Variants in VEPH1 observed in about 807,000 individuals in gnomAD.
The protein encoded by VEPH1 is ventricular zone expressed PH domain containing 1, also known as ventricular zone-expressed PH domain-containing protein homolog 1.
A neutral mutation model predicts 85.2 loss-of-function variants in VEPH1; 80 were observed. The ratio of observed to expected loss-of-function variants is 0.94; its 90% confidence interval spans 0.78 to 1.13. The LOEUF is 1.13. VEPH1 is among the 50% of genes most tolerant of loss of function. The probability of loss-of-function intolerance (pLI) is 0.00; values close to 1 mark genes in which losing one functional copy is unlikely to be tolerated. For missense variants in VEPH1, 955 were observed against 980.5 expected, an observed-to-expected ratio of 0.97 and a Z score of 0.35; for synonymous variants, 297 against 348.0, an observed-to-expected ratio of 0.85 and a Z score of 1.63.
chr3:157,492,441 C>T (rs1424842613), intron 2 of VEPH1, among the ~76,000 whole-genome samples: 1 of 152,130 alleles, frequency 6.6e-6, no homozygotes, highest in Non-Finnish European at 1.5e-5. Flanking sequence ...CCAGATCTGA[C>T]AGTTGATGGC....
At chr3:157,481,163 ATTGT>A (rs1738001339) in intron 2 of VEPH1, among the ~76,000 whole-genome samples, 1 of 151,840 alleles carries the variant, frequency 6.6e-6, no homozygotes, top group Admixed American at 6.6e-5. Context: ...TGCATGTCGA[ATTGT>A]TTAAGTTATT....
intron 1 of VEPH1, among the ~76,000 whole-genome samples, chr3:157,500,419 G>T (rs996032703): frequency 6.6e-6 from 1 of 152,144 alleles, no homozygotes; most frequent in African/African-American, 2.4e-5. Flanking sequence ...CAAAGGGTGT[G>T]GTCAGGGTGG....
intron 7 of VEPH1, among the ~76,000 whole-genome samples, chr3:157,372,536 G>T (rs1449529843): frequency 6.6e-6 from 1 of 152,074 alleles, no homozygotes; most frequent in East Asian, 1.9e-4. Context: ...TCTCAACCAT[G>T]GCCACACTGG....
intron 6 of VEPH1, among the ~76,000 whole-genome samples, chr3:157,386,965 G>A (rs1729370022): frequency 6.6e-6 from 1 of 152,224 alleles, no homozygotes; most frequent in African/African-American, 2.4e-5. Context: ...ACCATGCTGA[G>A]TATTGATGAA....
chr3:157,463,330 C>A (rs757139523), intron 3 of VEPH1, among the ~76,000 whole-genome samples: 1 of 152,144 alleles, frequency 6.6e-6, no homozygotes. Context: ...TTAAGTCAGT[C>A]GTGTTGAAAG....
chr3:157,310,587 A>G (rs1423921677), intron 11 of VEPH1, among the ~76,000 whole-genome samples: 2 of 152,224 alleles, frequency 1.3e-5, no homozygotes. Context: ...CCAAAATTTC[A>G]GTTTCTAACA....
intron 1 of VEPH1, among the ~76,000 whole-genome samples, chr3:157,500,285 C>T (rs1560116440): frequency 6.6e-6 from 1 of 152,182 alleles, no homozygotes; most frequent in Non-Finnish European, 1.5e-5. Context: ...TTCTTCTCGA[C>T]CCCTAAGTCG....
At chr3:157,327,137 T>G (rs1192140837) in intron 9 of VEPH1, among the ~76,000 whole-genome samples, 1 of 151,966 alleles carries the variant, frequency 6.6e-6, no homozygotes, top group African/African-American at 2.4e-5. Context: ...CCGGCCCATG[T>G]GTAGAGTGAA....
At chr3:157,447,317 G>A (rs534203468) in intron 4 of VEPH1, among the ~76,000 whole-genome samples, 10 of 152,202 alleles carry the variant, frequency 6.6e-5, no homozygotes, top group African/African-American at 1.9e-4. Context: ...GTTTTAAGAC[G>A]TCTCTATTCC....
chr3:157,340,113 G>A, intron 9 of VEPH1, among the ~76,000 whole-genome samples: 1 of 152,224 alleles, frequency 6.6e-6, no homozygotes, highest in Non-Finnish European at 1.5e-5. Flanking sequence ...GAAGACGGGT[G>A]ATTTCTGCAT....
At chr3:157,348,183 A>G (rs1201202424) in intron 9 of VEPH1, among the ~76,000 whole-genome samples, 1 of 151,994 alleles carries the variant, frequency 6.6e-6, no homozygotes, top group Non-Finnish European at 1.5e-5. Context: ...TGACTAAACC[A>G]CTGTGTGCCT....
At chr3:157,377,252 T>G (rs574015632) in intron 7 of VEPH1, among the ~76,000 whole-genome samples, 3 of 151,946 alleles carry the variant, frequency 2.0e-5, no homozygotes, top group Non-Finnish European at 4.4e-5. Context: ...GTGGTGACCT[T>G]TTCATCTCTT....
At chr3:157,450,970 T>C (rs1046369277) in intron 4 of VEPH1, among the ~76,000 whole-genome samples, 13 of 152,200 alleles carry the variant, frequency 8.5e-5, no homozygotes, top group African/African-American at 3.1e-4. Flanking sequence ...GTCATTTTGC[T>C]AAAATTTTTA....
At chr3:157,438,193 A>G (rs1410329674) in intron 4 of VEPH1, among the ~76,000 whole-genome samples, 1 of 151,890 alleles carries the variant, frequency 6.6e-6, no homozygotes, top group Non-Finnish European at 1.5e-5. Flanking sequence ...GGTAACCATC[A>G]CAGTCTTGAA....
At chr3:157,490,310 C>T (rs1289506870) in intron 2 of VEPH1, among the ~76,000 whole-genome samples, 1 of 151,760 alleles carries the variant, frequency 6.6e-6, no homozygotes, top group Non-Finnish European at 1.5e-5. Flanking sequence ...AAGAGATAAA[C>T]TGTGTATCAG....
At chr3:157,326,114 C>A (rs908157227) in intron 9 of VEPH1, among the ~76,000 whole-genome samples, 1 of 152,090 alleles carries the variant, frequency 6.6e-6, no homozygotes, top group African/African-American at 2.4e-5. Context: ...GGAGTTCATT[C>A]ATGATTTGGC....
At chr3:157,381,435 G>A (rs1728759703) in intron 6 of VEPH1, 59 bp from the exon 7 acceptor site, 4 of 1,542,394 alleles carry the variant, frequency 2.6e-6, no homozygotes. Flanking sequence ...TCCAGGCATG[G>A]TGGTCATGCC....
intron 7 of VEPH1, among the ~76,000 whole-genome samples, chr3:157,379,698 G>A (rs1728544122): frequency 6.6e-6 from 1 of 152,170 alleles, no homozygotes; most frequent in Non-Finnish European, 1.5e-5. Flanking sequence ...TGCATCATTT[G>A]TTATTCCAAA....
chr3:157,271,198 G>A (rs929521099), intron 12 of VEPH1, among the ~76,000 whole-genome samples: 1 of 152,166 alleles, frequency 6.6e-6, no homozygotes, highest in Non-Finnish European at 1.5e-5. Flanking sequence ...CAGTCACAGA[G>A]AGGTCATATT....
Sources: gnomAD v4.1 joint callset for allele counts (sites outside exome capture counted in the v4.1 genomes callset) on GRCh38, gnomAD v4.1.1 for gene constraint, MANE v1.5 for transcripts, NCBI Gene and HGNC (gene_info 2026-07-23, HGNC 2026-07-21) for gene names.